UPK1A: variants seen among roughly 807,000 people sequenced by gnomAD.
The protein encoded by UPK1A is uroplakin 1A.
In UPK1A, 31 loss-of-function variants were observed where a neutral mutation model predicts 32.3. The observed-to-expected ratio is 0.96, with a 90% confidence interval of 0.72 to 1.30. The LOEUF is 1.30. UPK1A is among the 50% of genes most tolerant of loss of function. The pLI is 0.00. For missense variants in UPK1A, 340 were observed against 357.4 expected (o/e 0.95, Z 0.39); for synonymous variants, 135 against 137.1 (o/e 0.98, Z 0.11).
chr19:35,676,911 A>G (rs1156352699), intron 6 of UPK1A, among the ~76,000 whole-genome samples: 1 of 151,262 alleles, frequency 6.6e-6, no homozygotes, highest in East Asian at 2.0e-4. Context: ...ACAAAAAAAA[A>G]CAAAACAAAA....
At chr19:35,666,692 C>G in intron 1 of UPK1A, 117 bp from the exon 2 acceptor site, 1 of 1,027,884 alleles carries the variant, frequency 9.7e-7, no homozygotes, top group Non-Finnish European at 1.5e-6. Context: ...TACATCAGTA[C>G]CAGCCTGGGC....
chr19:35,677,303 G>A (rs1968195329), intron 6 of UPK1A, among the ~76,000 whole-genome samples: 1 of 151,332 alleles, frequency 6.6e-6, no homozygotes, highest in South Asian at 2.1e-4. Flanking sequence ...CGAGATGGGA[G>A]GATCACAAGA....
chr19:35,677,689 G>A lies in UPK1A; in HGVS notation c.649-123G>A. The A allele has an allele frequency of 3.1e-6, 4 of 1,288,270 alleles. No individual in the cohort carries two copies. The Admixed American group carries it at 6.1e-5, about 20-fold the overall frequency. 79.8% of individuals were successfully genotyped at this position (1,288,270 alleles called of 1,614,324 possible). On this transcript the variant is annotated intron_variant, in intron 6 of 7. Coordinates refer to ENST00000617999, the Ensembl canonical transcript of UPK1A. ...GGTGGACAGTGCCATGGTCCCCATT[G>A]CACAAGTGAGAAAACCAATGCTCAG...
At chr19:35,673,522 C>G in exon 5 of UPK1A, 1 of 1,613,536 alleles carries the variant, frequency 6.2e-7, no homozygotes, top group Non-Finnish European at 8.5e-7. Flanking sequence ...GCTGACCCGC[C>G]TCTGGGACCG....
At chr19:35,667,601 C>A (rs181066163) in intron 2 of UPK1A, among the ~76,000 whole-genome samples, 116 of 152,198 alleles carry the variant, frequency 7.6e-4, no homozygotes, top group African/African-American at 2.6e-3. Context: ...TCCAGCAATT[C>A]TCCTGCCTCA....
rs746413899 is a variant in UPK1A, at chr19:35,673,325, G to A, written c.360+19G>A. On this transcript the variant is annotated intron_variant, in intron 4 of 7. Coordinates refer to ENST00000617999, the Ensembl canonical transcript of UPK1A. ...TGACTACGTGAGCCCGGCGAGGCCT[G>A]GGGAGGGGCCTGACCTGCATGGGAG... The A allele has an allele frequency of 3.1e-6, 5 of 1,613,698 alleles. No homozygotes were observed. Among genetic ancestry groups the A allele is most frequent in the Non-Finnish European group, 4.2e-6 (5 of 1,179,922 alleles).
rs373036106 is a variant in UPK1A, at chr19:35,668,435, A to G, written c.85-19A>G. 6.2e-6 allele frequency: 10 copies of G among 1,613,526 alleles called. No individual in the cohort carries two copies. Among genetic ancestry groups the G allele is most frequent in the Non-Finnish European group, 8.5e-6 (10 of 1,179,936 alleles). ...CTGCTGGCCCCGAGCAGACCTTCCT[A>G]ACCCACCGCTCTGTCCAGCTGTCAG... On this transcript the variant is annotated intron_variant, in intron 2 of 7. Transcript: ENST00000617999.
intron 3 of UPK1A, among the ~76,000 whole-genome samples, chr19:35,670,226 G>T (rs1354868692): frequency 6.6e-6 from 1 of 152,194 alleles, no homozygotes; most frequent in African/African-American, 2.4e-5. Flanking sequence ...TGAGGAGGAG[G>T]TTGGGGGGTG....
Position 35,673,308 on chromosome 19 carries a change from T to G in UPK1A, c.360+2T>G, listed in dbSNP as rs147885956. On this transcript the variant is annotated splice_donor_variant, in intron 4 of 7. Coordinates refer to ENST00000617999, the Ensembl canonical transcript of UPK1A. LOFTEE classifies it high-confidence loss of function. ...ACGTCCTACACCCACCGTGACTACG[T>G]GAGCCCGGCGAGGCCTGGGGAGGGG... The G allele has an allele frequency of 3.7e-6, 6 of 1,613,730 alleles. No homozygotes were observed. Among genetic ancestry groups the G allele is most frequent in the Non-Finnish European group, 5.1e-6 (6 of 1,179,926 alleles).
Position 35,668,669 on chromosome 19 carries a change from G to A in UPK1A, c.285+15G>A, listed in dbSNP as rs1271028579. ...TGGTCCTCACGGTGAGACTCCAGGG[G>A]TTGGGGGATGGGGACACTGAAAACG... On this transcript the variant is annotated intron_variant, in intron 3 of 7. Transcript: ENST00000617999. 3 of 1,604,796 alleles carry A rather than the reference G, an allele frequency of 1.9e-6. No individual in the cohort carries two copies. Among genetic ancestry groups the A allele is most frequent in the Admixed American group, 1.7e-5 (1 of 58,348 alleles).
chr19:35,666,986 C>T, intron 2 of UPK1A, 90 bp downstream of exon 2: 1 of 1,358,582 alleles, frequency 7.4e-7, no homozygotes, highest in South Asian at 1.2e-5. Context: ...GGGTCCAGAA[C>T]TGTCTCTCGG....
chr19:35,672,004 C>T (rs1377604612), intron 3 of UPK1A, among the ~76,000 whole-genome samples: 1 of 152,164 alleles, frequency 6.6e-6, no homozygotes, highest in Non-Finnish European at 1.5e-5. Context: ...TTAAAGCAGT[C>T]AGGAGGTTGT....
At position 35,666,557 on chromosome 19, in the gene UPK1A, G is replaced by A. The variant is rs1760093866; in HGVS notation, c.-5+19G>A. On this transcript the variant is annotated intron_variant, in intron 1 of 7. Transcript: ENST00000617999. ...AGAGAAGGTGAGGAGGGGGCCCTGG[G>A]AGTCTGGGTATGGCATGAGGGGTCT... 2.0e-6 allele frequency: 1 copy of A among 506,092 alleles called. No individual in the cohort carries two copies. Among genetic ancestry groups the A allele is most frequent in the Admixed American group, 3.4e-5 (1 of 29,562 alleles). The allele number at this position is 506,092 out of a possible 1,614,324, so 31.4% of individuals were successfully genotyped here.
chr19:35,667,045 C>A, intron 2 of UPK1A, 149 bp downstream of exon 2: 1 of 715,830 alleles, frequency 1.4e-6, no homozygotes, highest in East Asian at 2.7e-5. Flanking sequence ...AGCTCTGCCT[C>A]TCCCCAGCTC....
chr19:35,672,254 G>A (rs1303122222), intron 3 of UPK1A, among the ~76,000 whole-genome samples: 5 of 152,080 alleles, frequency 3.3e-5, no homozygotes, highest in African/African-American at 4.8e-5. Context: ...TGAGAACATC[G>A]TTTTATGTTG....
chr19:35,674,609 G>A (rs1384780746), intron 5 of UPK1A, among the ~76,000 whole-genome samples: 2 of 152,024 alleles, frequency 1.3e-5, no homozygotes, highest in African/African-American at 2.4e-5. Flanking sequence ...TTAGTGATGA[G>A]GAGACCAAAG....
At chr19:35,666,847 G>A in exon 2 of UPK1A, 1 of 1,614,136 alleles carries the variant, frequency 6.2e-7, no homozygotes, top group Non-Finnish European at 8.5e-7. Context: ...GCCGAGAAGG[G>A]ATCTCCAGTT....
chr19:35,666,830 A>T lies in UPK1A; in HGVS notation c.18A>T (p.Ala6=), dbSNP rs200335323. The T allele has an allele frequency of 1.9e-6, 3 of 1,614,162 alleles. No individual in the cohort carries two copies. The East Asian group carries it at 6.7e-5, about 36-fold the overall frequency. The change falls in exon 2 of 8, where the codon GCA becomes GCT. Residue 6 remains alanine, a synonymous_variant. Coordinates refer to ENST00000617999, the Ensembl canonical transcript of UPK1A. ...CCAGGATGATGGCGTCTGCGGCAGCAGCGGAGGCCGAGAAGGGATCTCCAG... is the reference window on the plus strand; with the variant it reads ...CCAGGATGATGGCGTCTGCGGCAGCTGCGGAGGCCGAGAAGGGATCTCCAG...
chr19:35,673,151 C>G lies in UPK1A; in HGVS notation c.286-81C>G, dbSNP rs1436834421. ...CTGCCCCAAACTTTTTTAAAACTTGCATTTCCCCAGTGATGCTTCCCTGAC... is the reference window on the plus strand; with the variant it reads ...CTGCCCCAAACTTTTTTAAAACTTGGATTTCCCCAGTGATGCTTCCCTGAC... On this transcript the variant is annotated intron_variant, in intron 3 of 7. Transcript: ENST00000617999. 3.4e-6 allele frequency: 5 copies of G among 1,463,908 alleles called. No individual in the cohort carries two copies. In the South Asian group the frequency reaches 3.4e-5, roughly 10 times the overall value. 90.7% of individuals were successfully genotyped at this position (1,463,908 alleles called of 1,614,324 possible).
Sources: allele counts gnomAD v4.1 joint callset (sites outside exome capture counted in the v4.1 genomes callset), GRCh38; gene constraint gnomAD v4.1.1; transcripts MANE v1.5; gene names NCBI Gene and HGNC (gene_info 2026-07-23, HGNC 2026-07-21).